The following HRH2 variants were observed in gnomAD, a reference collection of about 807,000 sequenced individuals.
HRH2 encodes histamine H2 receptor.
Under a neutral mutation model 20.1 loss-of-function variants are expected in HRH2, and 4 were observed. The ratio of observed to expected loss-of-function variants is 0.20; its 90% CI spans 0.10 to 0.45. The LOEUF is 0.45. Ranked by LOEUF, HRH2 falls within the 20% of genes least tolerant of loss-of-function variation. HRH2 has a pLI of 0.99. For synonymous variants in HRH2, 197 were observed against 200.7 expected, an observed-to-expected ratio of 0.98 and a Z score of 0.16; for missense variants, 250 against 461.6, an observed-to-expected ratio of 0.54 and a Z score of 4.20.
At chr5:175,673,288 C>T (rs1426651570) in intron 1 of HRH2, among the ~76,000 whole-genome samples, 1 of 151,908 alleles carries the variant, frequency 6.6e-6, no homozygotes. Context: ...ACAGGGTTTG[C>T]TGATGGGTTG....
chr5:175,706,592 C>T (rs1222164631), intron 2 of HRH2, among the ~76,000 whole-genome samples: 3 of 152,184 alleles, frequency 2.0e-5, no homozygotes, highest in African/African-American at 7.2e-5. Flanking sequence ...GGGCAAATAC[C>T]TGCCTGCTTG....
chr5:175,696,190 G>GA (rs1180782535), intron 2 of HRH2, among the ~76,000 whole-genome samples: 2 of 152,274 alleles, frequency 1.3e-5, no homozygotes, highest in East Asian at 1.9e-4. Flanking sequence ...CCTTCAGTTT[G>GA]AAAAAAACAT....
Position 175,702,819 on chromosome 5 carries a change from G to A in HRH2, c.1077-4960G>A, listed in dbSNP as rs555944785. Among the ~76,000 whole-genome samples, 776 of 149,896 alleles carry A rather than the reference G, an allele frequency of 5.2e-3. 4 individuals are homozygous for A. Among genetic ancestry groups the A allele is most frequent in the African/African-American group, 0.018 (740 of 40,674 alleles). On this transcript the variant is annotated intron_variant, in intron 2 of 2. Coordinates refer to ENST00000636584, the MANE Select transcript of HRH2 (RefSeq NM_001367711.1). ...TCCTGACCTCAGATCCGCCCACCTC[G>A]GCCTCCCAAAGTGCTGGGATTACAG...
chr5:175,696,789 T>C (rs1391614706), intron 2 of HRH2, among the ~76,000 whole-genome samples: 1 of 152,150 alleles, frequency 6.6e-6, no homozygotes, highest in Non-Finnish European at 1.5e-5. Flanking sequence ...CTCCTTGCCT[T>C]AACTTCCCCT....
At chr5:175,688,229 A>T (rs59408517) in intron 2 of HRH2, among the ~76,000 whole-genome samples, 24,887 of 152,176 alleles carry the variant, frequency 0.16, 4,774 homozygotes, top group African/African-American at 0.46. Flanking sequence ...TGTCATCGAA[A>T]CTGCAAAGTC....
intron 1 of HRH2, among the ~76,000 whole-genome samples, chr5:175,670,785 A>G (rs1405470857): frequency 6.6e-6 from 1 of 152,206 alleles, no homozygotes; most frequent in Admixed American, 6.5e-5. Flanking sequence ...CTGGCCAAAG[A>G]CTGGCCACAT....
intron 2 of HRH2, among the ~76,000 whole-genome samples, chr5:175,695,747 G>A (rs1348510032): frequency 6.6e-6 from 1 of 152,250 alleles, no homozygotes; most frequent in South Asian, 2.1e-4. Context: ...AACTAAGGCA[G>A]AGGGTGTAGA....
Position 175,684,109 on chromosome 5 carries a change from C to T in HRH2, c.876C>T (p.Asn292=), listed in dbSNP as rs574353238. The T allele has an allele frequency of 1.4e-4, 223 of 1,614,218 alleles. No individual in the cohort carries two copies. The South Asian group carries it at 2.3e-3, about 17-fold the overall frequency. Residue 292 remains asparagine, a synonymous_variant, in exon 2 of 3, where the codon AAC becomes AAT. Transcript: ENST00000636584. The part of the protein sequence containing the change: ...ALNPILYAAL[N]RDFRTGYQQL... ...ACCCCATCCTGTATGCTGCGCTGAA[C>T]AGAGACTTCCGCACCGGGTACCAAC...
At chr5:175,689,024 G>C (rs1756273937) in intron 2 of HRH2, among the ~76,000 whole-genome samples, 1 of 152,092 alleles carries the variant, frequency 6.6e-6, no homozygotes, top group African/African-American at 2.4e-5. Context: ...ATGCCTGGAG[G>C]GCTCCAGTCA....
chr5:175,688,950 G>C (rs185116879), intron 2 of HRH2, among the ~76,000 whole-genome samples: 2 of 151,978 alleles, frequency 1.3e-5, no homozygotes, highest in Non-Finnish European at 1.5e-5. Flanking sequence ...CCCAGTCTCC[G>C]GGCGTGGCCC....
At chr5:175,690,425 G>A (rs1756328482) in intron 2 of HRH2, among the ~76,000 whole-genome samples, 2 of 152,314 alleles carry the variant, frequency 1.3e-5, no homozygotes, top group South Asian at 4.1e-4. Flanking sequence ...CGGAAAATCA[G>A]AAAAGGTGTA....
chr5:175,658,669 C>T (rs549009687), intron 1 of HRH2, among the ~76,000 whole-genome samples: 1 of 152,164 alleles, frequency 6.6e-6, no homozygotes, highest in African/African-American at 2.4e-5. Flanking sequence ...TCTCAGGAAA[C>T]CAGAACGACC....
At chr5:175,673,893 CAG>C (rs1181304240) in intron 1 of HRH2, among the ~76,000 whole-genome samples, 1 of 151,968 alleles carries the variant, frequency 6.6e-6, no homozygotes, top group Non-Finnish European at 1.5e-5. Context: ...TTAGTACAGA[CAG>C]AGTTTTGCCA....
At chr5:175,699,932 A>G (rs1756743209) in intron 2 of HRH2, among the ~76,000 whole-genome samples, 1 of 152,168 alleles carries the variant, frequency 6.6e-6, no homozygotes, top group Non-Finnish European at 1.5e-5. Context: ...GATTCCCTGA[A>G]ATTTCAAAAC....
intron 1 of HRH2, among the ~76,000 whole-genome samples, chr5:175,678,979 T>C (rs2113508908): frequency 6.6e-6 from 1 of 152,218 alleles, no homozygotes; most frequent in Admixed American, 6.5e-5. Context: ...GCCCCTCTGG[T>C]TTTCTAACTG....
intron 2 of HRH2, among the ~76,000 whole-genome samples, chr5:175,697,962 G>C (rs1167100494): frequency 1.3e-5 from 2 of 152,172 alleles, no homozygotes; most frequent in African/African-American, 2.4e-5. Context: ...GGAGCCTCTT[G>C]TGAACTCCAG....
chr5:175,669,026 C>T (rs1054705396), intron 1 of HRH2, among the ~76,000 whole-genome samples: 3 of 152,190 alleles, frequency 2.0e-5, no homozygotes, highest in Admixed American at 6.5e-5. Flanking sequence ...CCAGCTCAGG[C>T]TGGAGTGCAG....
intron 2 of HRH2, among the ~76,000 whole-genome samples, chr5:175,692,067 G>A (rs1264404194): frequency 6.6e-6 from 1 of 152,090 alleles, no homozygotes; most frequent in African/African-American, 2.4e-5. Flanking sequence ...GCATACTTTT[G>A]AGACCCTTCA....
At chr5:175,707,703 T>C in intron 2 of HRH2, 76 bp from the exon 3 acceptor site, 1 of 107,898 alleles carries the variant, frequency 9.3e-6, no homozygotes, top group Non-Finnish European at 1.7e-5. Context: ...AGAAGCAAAA[T>C]TGAGAGGCTA....
Sources: allele counts gnomAD v4.1 joint callset (sites outside exome capture counted in the v4.1 genomes callset), GRCh38; gene constraint gnomAD v4.1.1; transcripts MANE v1.5; gene names NCBI Gene and HGNC (gene_info 2026-07-23, HGNC 2026-07-21).